IFI35: variants seen among roughly 807,000 people sequenced by gnomAD.
IFI35 encodes interferon induced protein 35, also known as interferon-induced 35 kDa protein.
IFI35 carries 30 observed loss-of-function variants against 28.6 expected under a neutral mutation model. The observed-to-expected ratio is 1.05, with a 90% confidence interval of 0.79 to 1.43. IFI35 has a LOEUF of 1.43. IFI35 is among the 40% of genes most tolerant of loss of function. The probability of loss-of-function intolerance (pLI) is 0.00; values close to 1 mark genes in which losing one functional copy is unlikely to be tolerated. For synonymous variants in IFI35, 146 were observed against 154.8 expected (o/e 0.94, Z 0.42); for missense variants, 372 against 356.9 (o/e 1.04, Z -0.34).
At position 43,013,251 on chromosome 17, in the gene IFI35, G is replaced by GT. The variant is rs2050479789; in HGVS notation, c.269-13dup. On this transcript the variant is annotated splice_polypyrimidine_tract_variant and intron_variant, in intron 3 of 6. Coordinates refer to ENST00000415816, the MANE Select transcript of IFI35 (RefSeq NM_001330230.2). ...GGGGAGGGTTCCCAGTACTGACCCT[G>GT]TTTCCCACCACCCAGTGGCTGAGCA... The GT allele has an allele frequency of 6.2e-7, 1 of 1,614,082 alleles. No individual in the cohort carries two copies. Among genetic ancestry groups the GT allele is most frequent in the East Asian group, 2.2e-5 (1 of 44,874 alleles).
chr17:43,011,499 A>G (rs57211073), intron 1 of IFI35, among the ~76,000 whole-genome samples: 4,048 of 152,152 alleles, frequency 0.027, 194 homozygotes, highest in African/African-American at 0.093. Flanking sequence ...AGCCTGGGAG[A>G]CAGAGCAAGA....
At chr17:43,010,712 C>T (rs964813344) in intron 1 of IFI35, among the ~76,000 whole-genome samples, 4 of 152,168 alleles carry the variant, frequency 2.6e-5, no homozygotes, top group African/African-American at 9.7e-5. Context: ...TCTTTGGTGT[C>T]CTCTGTAATG....
Position 43,013,842 on chromosome 17 carries a change from G to A in IFI35, c.629G>A (p.Arg210Lys), listed in dbSNP as rs550567872. 4.3e-6 allele frequency: 7 copies of A among 1,610,358 alleles called. No individual in the cohort carries two copies. Among genetic ancestry groups the A allele is most frequent in the East Asian group, 4.5e-5 (2 of 44,850 alleles). Reference sequence around the variant, plus strand: ...CTGGGTGGGCAGCAAGTCCCTCTGAGAGTCTCTCCGTATGTGAACGGGGAG... The same window carrying A: ...CTGGGTGGGCAGCAAGTCCCTCTGAAAGTCTCTCCGTATGTGAACGGGGAG... ...VPLGGQQVPL[R>K]VSPYVNGEIQ... Residue 210 changes from arginine (R) to lysine (K), a missense_variant, in exon 6 of 7, where the codon AGA (arginine) becomes AAA (lysine). Physicochemically the swap from Arg to Lys is conservative, Grantham distance 26. Transcript: ENST00000415816.
chr17:43,014,046 C>T, intron 6 of IFI35, 62 bp from the exon 7 acceptor site: 1 of 1,538,766 alleles, frequency 6.5e-7, no homozygotes, highest in Non-Finnish European at 8.9e-7. Context: ...CACTGCCTGC[C>T]CTACCCCCAG....
At chr17:43,008,343 C>CT (rs34285823) in intron 1 of IFI35, among the ~76,000 whole-genome samples, 8,793 of 89,460 alleles carry the variant, frequency 0.098, 1,053 homozygotes, top group African/African-American at 0.22. Context: ...CTTTTCTTTC[C>CT]TTTTTTTTTT....
In IFI35 at chr17:43,013,335, G is replaced by A. The variant is rs2050481477; in HGVS notation, c.337G>A (p.Val113Ile). The A allele has an allele frequency of 4.3e-6, 7 of 1,614,144 alleles. No homozygotes were observed. Among genetic ancestry groups the A allele is most frequent in the Non-Finnish European group, 5.9e-6 (7 of 1,180,022 alleles). ...NMEECRLRVQ[V>I]QPLELPMVTT... ...GGAGGAGTGCCGGCTGCGGGTGCAG[G>A]TCCAGCCCTTGGAGCTGCCCATGGT... The change falls in exon 4 of 7, where the codon GTC becomes ATC. Residue 113 changes from valine (V) to isoleucine (I), a missense_variant. Transcript: ENST00000415816.
At chr17:43,007,061 C>T (rs1028338133) in intron 1 of IFI35, 93 bp downstream of exon 1, 3 of 1,345,632 alleles carry the variant, frequency 2.2e-6, no homozygotes, top group Non-Finnish European at 3.2e-6. Context: ...GCAGCCAAGC[C>T]TCACCCTGCC....
rs1597780766 is a variant in IFI35, at chr17:43,013,336, T to G, written c.338T>G (p.Val113Gly). 5.0e-6 allele frequency: 8 copies of G among 1,614,090 alleles called. No individual in the cohort carries two copies. The highest frequency in any genetic ancestry group is 6.8e-6 in the Non-Finnish European group (8 of 1,180,018). The change falls in exon 4 of 7, where the codon GTC becomes GGC. Residue 113 changes from valine to glycine, a missense_variant. Physicochemically the swap from Val to Gly is moderately radical, Grantham distance 109. Transcript: ENST00000415816. Reference protein sequence around the residue: ...NMEECRLRVQVQPLELPMVTT... With the variant: ...NMEECRLRVQGQPLELPMVTT... ...GAGGAGTGCCGGCTGCGGGTGCAGG[T>G]CCAGCCCTTGGAGCTGCCCATGGTC...
intron 1 of IFI35, among the ~76,000 whole-genome samples, chr17:43,008,117 C>A (rs533700109): frequency 1.0e-4 from 15 of 148,488 alleles, no homozygotes; most frequent in Admixed American, 2.7e-4. Flanking sequence ...TCACTGCAAC[C>A]TCTGCCTCCC....
intron 2 of IFI35, 65 bp downstream of exon 2, chr17:43,012,342 C>T (rs967370436): frequency 8.4e-7 from 1 of 1,192,034 alleles, no homozygotes; most frequent in Non-Finnish European, 1.2e-6. Flanking sequence ...CGGTGGCTCA[C>T]ACCTGTAAAC....
chr17:43,008,181 C>T (rs997852959), intron 1 of IFI35, among the ~76,000 whole-genome samples: 7 of 150,196 alleles, frequency 4.7e-5, no homozygotes, highest in African/African-American at 1.2e-4. Flanking sequence ...AGTACAGGCA[C>T]GTTCCACCAT....
chr17:43,012,791 A>C (rs535590187), intron 2 of IFI35, among the ~76,000 whole-genome samples: 1 of 152,270 alleles, frequency 6.6e-6, no homozygotes, highest in South Asian at 2.1e-4. Context: ...TGGCTCTGCT[A>C]CTTCCTTGCT....
chr17:43,013,791 G>A lies in IFI35; in HGVS notation c.578G>A (p.Cys193Tyr). ...CTCCCCACAGTGGCTCAGCGTCTGT[G>A]CCAAATCGGCCAGTTCACAGTGCCA... is the stretch of plus-strand genomic sequence containing the variant. ...FARDGVAQRL[C>Y]QIGQFTVPLG... The change falls in exon 6 of 7, where the codon TGC (cysteine) becomes TAC (tyrosine). Residue 193 changes from cysteine to tyrosine, a missense_variant. Coordinates refer to ENST00000415816, the MANE Select transcript of IFI35 (RefSeq NM_001330230.2). 4 of 1,613,228 alleles carry A rather than the reference G, an allele frequency of 2.5e-6. No homozygotes were observed. The highest frequency in any genetic ancestry group is 3.4e-6 in the Non-Finnish European group (4 of 1,179,578).
In IFI35 at chr17:43,013,295, G is replaced by A; in HGVS notation, c.297G>A (p.Glu99=). ...KVAEQVLQQK[E]HTINMEECRL... The stretch of plus-strand genomic sequence containing the variant: ...CTGAGCAGGTGCTGCAACAAAAGGA[G>A]CACACGATCAACATGGAGGAGTGCC... Residue 99 remains glutamate (E), a synonymous_variant, in exon 4 of 7, where the codon GAG becomes GAA. Transcript: ENST00000415816. The A allele has an allele frequency of 6.2e-7, 1 of 1,614,168 alleles. No homozygotes were observed. Among genetic ancestry groups the A allele is most frequent in the Non-Finnish European group, 8.5e-7 (1 of 1,180,030 alleles).
intron 1 of IFI35, among the ~76,000 whole-genome samples, chr17:43,008,974 C>A (rs911065146): frequency 1.3e-5 from 2 of 151,580 alleles, no homozygotes; most frequent in Non-Finnish European, 2.9e-5. Context: ...TTAAATTGGG[C>A]CATCTTTTTC....
In IFI35 at chr17:43,013,659, G is replaced by A. The variant is rs1457139369; in HGVS notation, c.559G>A (p.Gly187Arg). Reference protein sequence around the residue: ...GSVMLGFARDGVAQRLCQIGQ... With the variant: ...GSVMLGFARDRVAQRLCQIGQ... ...TGTCATGCTGGGGTTTGCTAGGGAT[G>A]GAGGTGAGGGCTATGCAGGCCTCCT... The change falls in exon 5 of 7, where the codon GGA becomes AGA. Residue 187 changes from glycine to arginine, a missense_variant. Coordinates refer to ENST00000415816, the MANE Select transcript of IFI35 (RefSeq NM_001330230.2). 6.2e-7 allele frequency: 1 copy of A among 1,614,016 alleles called. No individual in the cohort carries two copies. Among genetic ancestry groups the A allele is most frequent in the South Asian group, 1.1e-5 (1 of 91,088 alleles).
chr17:43,012,119 G>A, intron 1 of IFI35, 60 bp from the exon 2 acceptor site: 2 of 1,280,942 alleles, frequency 1.6e-6, no homozygotes, highest in South Asian at 1.4e-5. Flanking sequence ...ACTTCCCCTG[G>A]GCTTGTTGAT....
chr17:43,013,946 C>T, intron 6 of IFI35, 64 bp downstream of exon 6: 4 of 1,372,272 alleles, frequency 2.9e-6, no homozygotes, highest in South Asian at 1.3e-5. Flanking sequence ...CAGGAACTTG[C>T]CCAATGAAGG....
chr17:43,007,963 T>C (rs1734627445), intron 1 of IFI35, among the ~76,000 whole-genome samples: 1 of 150,228 alleles, frequency 6.7e-6, no homozygotes, highest in South Asian at 2.1e-4. Context: ...CTACAGAGCA[T>C]TCAATATGTG....
Sources: allele counts gnomAD v4.1 joint callset (sites outside exome capture counted in the v4.1 genomes callset), GRCh38; gene constraint gnomAD v4.1.1; transcripts MANE v1.5; gene names NCBI Gene and HGNC (gene_info 2026-07-23, HGNC 2026-07-21).